The following BABAM2 variants were observed in gnomAD, a reference collection of about 807,000 sequenced individuals.
BABAM2 encodes BRISC and BRCA1 A complex member 2, also known as BRISC and BRCA1-A complex member 2.
Under a neutral mutation model 54.7 loss-of-function variants are expected in BABAM2, and 31 were observed. The observed-to-expected ratio is 0.57, with a 90% CI of 0.43 to 0.77. The LOEUF (loss-of-function observed/expected upper bound fraction) is 0.77. BABAM2 is among the 30% of genes least tolerant of loss of function. The pLI is 0.00. For synonymous variants in BABAM2, 167 were observed against 162.9 expected (o/e 1.03, Z -0.19); for missense variants, 364 against 455.8 (o/e 0.80, Z 1.83).
At chr2:28,117,885 A>G (rs2148743456) in intron 6 of BABAM2, among the ~76,000 whole-genome samples, 1 of 152,272 alleles carries the variant, frequency 6.6e-6, no homozygotes, top group East Asian at 1.9e-4. Flanking sequence ...GCAACTTTAA[A>G]TCTTCCTATC....
chr2:28,219,255 T>C (rs970574948), intron 7 of BABAM2, among the ~76,000 whole-genome samples: 3 of 152,230 alleles, frequency 2.0e-5, no homozygotes, highest in Non-Finnish European at 2.9e-5. Context: ...CGGAGGTCAG[T>C]TGAGCTTCTA....
At chr2:28,194,221 C>T (rs971272513) in intron 7 of BABAM2, among the ~76,000 whole-genome samples, 5 of 152,040 alleles carry the variant, frequency 3.3e-5, no homozygotes, top group Admixed American at 6.6e-5. Context: ...TTGTAAGCCA[C>T]GGTGAGAGCT....
rs1553349503 is a variant in BABAM2 at position 28,248,207 on chromosome 2, C to CTTTTTCTTTTTTTTTTTTTTTTTT, written c.934+3350_934+3351insCTTTTTTTTTTTTTTTTTTTTTTT. On this transcript the variant is annotated intron_variant, in intron 10 of 11. Transcript: ENST00000379624. ...AGTAGCTTTTGTTTATTTTCTTTTT[C>CTTTTTCTTTTTTTTTTTTTTTTTT]TTTTTTTTTTTTTTTTTTTGAGACG... 3.1e-4 allele frequency among the ~76,000 whole-genome samples: 17 copies of CTTTTTCTTTTTTTTTTTTTTTTTT among 54,306 alleles called. 1 individual carries two copies. The highest frequency in any genetic ancestry group is 5.2e-4 in the Non-Finnish European group (14 of 27,164). 35.6% of individuals were successfully genotyped at this position (54,306 alleles called of 152,430 possible). A position where few individuals can be genotyped will look rare whatever the true frequency, so the allele number is the denominator to read the frequency against.
At chr2:28,029,368 C>T (rs1160997653) in intron 5 of BABAM2, among the ~76,000 whole-genome samples, 1 of 152,170 alleles carries the variant, frequency 6.6e-6, no homozygotes, top group East Asian at 1.9e-4. Flanking sequence ...TTCCTCCTCC[C>T]CCCAGCGCTT....
intron 4 of BABAM2, among the ~76,000 whole-genome samples, chr2:28,014,870 A>G (rs1214781870): frequency 6.6e-6 from 1 of 152,224 alleles, no homozygotes; most frequent in Non-Finnish European, 1.5e-5. Context: ...AACTTAGTAT[A>G]AAATGTGCAT....
intron 2 of BABAM2, among the ~76,000 whole-genome samples, chr2:27,909,777 T>A (rs2148300526): frequency 6.6e-6 from 1 of 152,340 alleles, no homozygotes; most frequent in East Asian, 1.9e-4. Flanking sequence ...TAGAAGCCTT[T>A]TGACTGAGAA....
intron 2 of BABAM2, among the ~76,000 whole-genome samples, chr2:27,900,187 G>T (rs529726062): frequency 6.6e-6 from 1 of 152,230 alleles, no homozygotes; most frequent in African/African-American, 2.4e-5. Flanking sequence ...ACTCGAAGAG[G>T]TATACCCTAT....
chr2:28,148,559 G>T (rs1558383983), intron 7 of BABAM2, among the ~76,000 whole-genome samples: 1 of 152,038 alleles, frequency 6.6e-6, no homozygotes. Flanking sequence ...TTCTTTTTTT[G>T]TAGCTGTCAG....
chr2:28,151,164 C>T (rs183152568), intron 7 of BABAM2, among the ~76,000 whole-genome samples: 1 of 152,316 alleles, frequency 6.6e-6, no homozygotes, highest in East Asian at 1.9e-4. Context: ...TTTAATTTCT[C>T]AGATACTATA....
chr2:28,027,441 G>C (rs1218775552), intron 5 of BABAM2, among the ~76,000 whole-genome samples: 1 of 152,168 alleles, frequency 6.6e-6, no homozygotes, highest in Non-Finnish European at 1.5e-5. Flanking sequence ...ACCCCAGTGA[G>C]ATCCCTCATG....
intron 6 of BABAM2, among the ~76,000 whole-genome samples, chr2:28,094,693 C>T (rs1165592845): frequency 1.3e-5 from 2 of 152,042 alleles, no homozygotes; most frequent in African/African-American, 4.8e-5. Flanking sequence ...TGTCTTTCTA[C>T]TCCATTCCCT....
intron 7 of BABAM2, among the ~76,000 whole-genome samples, chr2:28,214,447 T>G (rs1157115263): frequency 2.0e-5 from 3 of 152,238 alleles, no homozygotes; most frequent in Admixed American, 6.5e-5. Context: ...CCAACAATCT[T>G]GTTGACCTTG....
chr2:27,942,858 C>G (rs947948949), intron 3 of BABAM2, among the ~76,000 whole-genome samples: 1 of 150,664 alleles, frequency 6.6e-6, no homozygotes, highest in African/African-American at 2.4e-5. Flanking sequence ...TGTGGCCCAG[C>G]CTGGAGTGCA....
intron 6 of BABAM2, among the ~76,000 whole-genome samples, chr2:28,050,534 C>T (rs536313229): frequency 2.6e-4 from 40 of 152,160 alleles, no homozygotes; most frequent in Admixed American, 1.2e-3. Flanking sequence ...TTTTTGAGTG[C>T]GGTACTGTGC....
At chr2:27,945,676 T>G (rs1173901502) in intron 3 of BABAM2, among the ~76,000 whole-genome samples, 1 of 152,184 alleles carries the variant, frequency 6.6e-6, no homozygotes, top group Non-Finnish European at 1.5e-5. Flanking sequence ...CTCCATTTAT[T>G]TAGGTCACTT....
chr2:27,961,859 C>T (rs1167770129), intron 3 of BABAM2, among the ~76,000 whole-genome samples: 1 of 150,992 alleles, frequency 6.6e-6, no homozygotes, highest in Admixed American at 6.6e-5. Context: ...TCCTGAGTAG[C>T]TGGGACTACA....
intron 3 of BABAM2, among the ~76,000 whole-genome samples, chr2:27,956,374 C>A (rs1212089931): frequency 6.6e-6 from 1 of 152,090 alleles, no homozygotes; most frequent in East Asian, 1.9e-4. Context: ...CTAAGGATGG[C>A]ATGAAGGAAG....
At chr2:28,308,109 C>T in intron 11 of BABAM2, 1 of 260,098 alleles carries the variant, frequency 3.8e-6, no homozygotes, top group Non-Finnish European at 7.6e-6. Flanking sequence ...CGAGGGCACA[C>T]AGCTGGCTTC....
chr2:28,101,181 G>A lies in BABAM2; in HGVS notation c.571-28090G>A, dbSNP rs374303079. Among the ~76,000 whole-genome samples the A allele has an allele frequency of 6.6e-5, 10 of 152,232 alleles. No individual in the cohort carries two copies. The East Asian group carries it at 1.5e-3, about 23-fold the overall frequency. ...TAACTTATCCAGCCAGGTTGACATA[G>A]CCAGTAAGCGATGAAGCTATGATTC... On this transcript the variant is annotated intron_variant, in intron 6 of 11. Coordinates refer to ENST00000379624, the MANE Select transcript of BABAM2 (RefSeq NM_199191.3).
Sources: gnomAD v4.1 joint callset for allele counts (sites outside exome capture counted in the v4.1 genomes callset) on GRCh38, gnomAD v4.1.1 for gene constraint, MANE v1.5 for transcripts, NCBI Gene and HGNC (gene_info 2026-07-23, HGNC 2026-07-21) for gene names.